Variants in NCAM2 observed in about 807,000 individuals in gnomAD.
NCAM2 encodes neural cell adhesion molecule 2.
Under a neutral mutation model 98.1 loss-of-function variants are expected in NCAM2, and 30 were observed. That is an observed-to-expected ratio of 0.31 (90% CI 0.23 to 0.41). NCAM2 has a LOEUF of 0.41. NCAM2 is among the 10% of genes least tolerant of loss of function. The pLI is 1.00. For missense variants in NCAM2, 867 were observed against 1,005.8 expected (o/e 0.86, Z 1.87); for synonymous variants, 368 against 342.4 (o/e 1.07, Z -0.83).
chr21:21,522,269 A>G (rs1411362897), intron 16 of NCAM2, among the ~76,000 whole-genome samples: 4 of 148,582 alleles, frequency 2.7e-5, no homozygotes, highest in Admixed American at 2.0e-4. Context: ...ATATTTATAT[A>G]TAAATATGAT....
intron 1 of NCAM2, among the ~76,000 whole-genome samples, chr21:21,170,342 T>G (rs1043641259): frequency 1.3e-5 from 2 of 152,202 alleles, no homozygotes; most frequent in Non-Finnish European, 1.5e-5. Flanking sequence ...TCCTGTAGAT[T>G]AATTAGTAAA....
At chr21:21,373,395 G>A (rs2075963630) in intron 8 of NCAM2, among the ~76,000 whole-genome samples, 1 of 151,844 alleles carries the variant, frequency 6.6e-6, no homozygotes, top group Non-Finnish European at 1.5e-5. Context: ...TAGAAAGTAG[G>A]ATGTTGCCAT....
rs183033658 is a variant in NCAM2 at position 21,178,644 on chromosome 21, T to G, written c.56-101934T>G. On this transcript the variant is annotated intron_variant, in intron 1 of 17. Transcript: ENST00000400546. ...CTTCATAGTCCAAGATCTCCATATC[T>G]GTATTTTTAATGTATGTTAGAATTA... 3.6e-3 allele frequency among the ~76,000 whole-genome samples: 554 copies of G among 152,158 alleles called. 2 individuals carry two copies. Among genetic ancestry groups the G allele is most frequent in the African/African-American group, 0.013 (530 of 41,576 alleles).
intron 1 of NCAM2, among the ~76,000 whole-genome samples, chr21:21,120,556 G>A (rs1206929908): frequency 1.3e-5 from 2 of 152,090 alleles, no homozygotes; most frequent in Non-Finnish European, 2.9e-5. Flanking sequence ...TTCACAGGCG[G>A]GGGACGCTGC....
intron 1 of NCAM2, chr21:21,210,444 A>G: frequency 1.0e-6 from 1 of 992,744 alleles, no homozygotes; most frequent in Non-Finnish European, 1.3e-6. Flanking sequence ...GCACCAGGAC[A>G]CTCCATGACA....
At chr21:21,011,616 G>C (rs2064213078) in intron 1 of NCAM2, among the ~76,000 whole-genome samples, 1 of 151,830 alleles carries the variant, frequency 6.6e-6, no homozygotes, top group Non-Finnish European at 1.5e-5. Context: ...GCAATGTCCA[G>C]GTATACAATA....
At position 21,245,111 on chromosome 21, in the gene NCAM2, G is replaced by A. The variant is rs758347717; in HGVS notation, c.56-35467G>A. On this transcript the variant is annotated intron_variant, in intron 1 of 17. Coordinates refer to ENST00000400546, the MANE Select transcript of NCAM2 (RefSeq NM_004540.5). ...TACACATTTCTTCATTTTTCTATGT[G>A]GCGGCCGTACCATTCATCAACACTA... is the stretch of plus-strand genomic sequence containing the variant. Among the ~76,000 whole-genome samples, 4 of 152,066 alleles carry A rather than the reference G, an allele frequency of 2.6e-5. No homozygotes were observed. In the East Asian group the frequency reaches 7.8e-4, roughly 29 times the overall value.
intron 9 of NCAM2, among the ~76,000 whole-genome samples, chr21:21,378,718 T>C (rs1345881858): frequency 3.9e-5 from 6 of 152,098 alleles, no homozygotes; most frequent in African/African-American, 9.6e-5. Flanking sequence ...CCTACAGATA[T>C]AACAGAGTTT....
At chr21:21,300,810 T>G (rs2147641867) in intron 5 of NCAM2, among the ~76,000 whole-genome samples, 1 of 152,168 alleles carries the variant, frequency 6.6e-6, no homozygotes, top group Non-Finnish European at 1.5e-5. Context: ...CCCTTTAGAT[T>G]ATATAATCCA....
chr21:21,286,303 A>G lies in NCAM2; in HGVS notation c.372A>G (p.Gln124=), dbSNP rs1277345663. 1 of 1,611,352 alleles carries G rather than the reference A, an allele frequency of 6.2e-7. No homozygotes were observed. Among genetic ancestry groups the G allele is most frequent in the Non-Finnish European group, 8.5e-7 (1 of 1,178,520 alleles). ...CTTTCAGAGAAGTGGTATCTCCACA[A>G]GAATTCAAACAAGGAGAAGATGCAG... ...KLTFREVVSP[Q]EFKQGEDAEV... is the part of the protein sequence containing the mutation. The change falls in exon 4 of 18, where the codon CAA becomes CAG. Residue 124 remains glutamine, a synonymous_variant. Transcript: ENST00000400546.
intron 1 of NCAM2, among the ~76,000 whole-genome samples, chr21:21,093,289 C>G (rs974813812): frequency 6.6e-6 from 1 of 152,010 alleles, no homozygotes; most frequent in Non-Finnish European, 1.5e-5. Flanking sequence ...AGGGAACTGT[C>G]CCTTTATCTT....
At chr21:21,398,897 A>C (rs2076571466) in intron 9 of NCAM2, among the ~76,000 whole-genome samples, 1 of 152,228 alleles carries the variant, frequency 6.6e-6, no homozygotes, top group African/African-American at 2.4e-5. Context: ...ATGAGAGATG[A>C]GAGTTGGCAG....
intron 1 of NCAM2, among the ~76,000 whole-genome samples, chr21:21,022,953 T>C (rs2064466834): frequency 6.6e-6 from 1 of 152,144 alleles, no homozygotes; most frequent in East Asian, 1.9e-4. Context: ...ATGTATTTGA[T>C]TTTACATAAA....
chr21:21,382,665 G>A (rs2076182601), intron 9 of NCAM2, among the ~76,000 whole-genome samples: 1 of 151,836 alleles, frequency 6.6e-6, no homozygotes, highest in South Asian at 2.1e-4. Context: ...ACAGGTGCGT[G>A]CCACCATGCG....
intron 1 of NCAM2, among the ~76,000 whole-genome samples, chr21:21,190,347 A>G (rs1035247701): frequency 2.0e-5 from 3 of 152,222 alleles, no homozygotes; most frequent in Admixed American, 6.5e-5. Context: ...TTTGGGCATT[A>G]CCAATCAAGT....
At chr21:21,033,752 T>C (rs912445623) in intron 1 of NCAM2, among the ~76,000 whole-genome samples, 1 of 152,166 alleles carries the variant, frequency 6.6e-6, no homozygotes, top group African/African-American at 2.4e-5. Flanking sequence ...AGTTAATCTT[T>C]CCTGGATCTG....
chr21:21,307,923 T>G (rs992588177), intron 5 of NCAM2, among the ~76,000 whole-genome samples: 3 of 152,264 alleles, frequency 2.0e-5, no homozygotes, highest in African/African-American at 7.2e-5. Flanking sequence ...ATTTCCTCAC[T>G]TAATGTCTGT....
chr21:21,088,224 G>A (rs2065940840), intron 1 of NCAM2, among the ~76,000 whole-genome samples: 2 of 152,052 alleles, frequency 1.3e-5, no homozygotes, highest in South Asian at 4.1e-4. Context: ...ACTTTAGGGC[G>A]AGCATCATAT....
At chr21:21,097,810 A>G (rs1365529597) in intron 1 of NCAM2, among the ~76,000 whole-genome samples, 5 of 150,880 alleles carry the variant, frequency 3.3e-5, no homozygotes, top group African/African-American at 1.2e-4. Context: ...AGCTGGATAA[A>G]AATTTTGAAT....
Sources: gnomAD v4.1 joint callset for allele counts (sites outside exome capture counted in the v4.1 genomes callset) on GRCh38, gnomAD v4.1.1 for gene constraint, MANE v1.5 for transcripts, NCBI Gene and HGNC (gene_info 2026-07-23, HGNC 2026-07-21) for gene names.